Variants in ADGRL2 observed in about 807,000 individuals in gnomAD.
ADGRL2 encodes calcium-independent alpha-latrotoxin receptor 2.
ADGRL2 carries 44 observed loss-of-function variants against 157.4 expected under a neutral mutation model. The ratio of observed to expected loss-of-function variants is 0.28; its 90% confidence interval spans 0.22 to 0.36. The LOEUF is 0.36. Ranked by LOEUF, ADGRL2 falls within the 10% of genes least tolerant of loss-of-function variation. ADGRL2 has a pLI of 1.00. For synonymous variants in ADGRL2, 585 were observed against 624.7 expected (o/e 0.94, Z 0.95); for missense variants, 1,510 against 1,768.9 (o/e 0.85, Z 2.63).
chr1:81,783,840 T>C (rs1327335816), intron 2 of ADGRL2, among the ~76,000 whole-genome samples: 1 of 152,214 alleles, frequency 6.6e-6, no homozygotes, highest in East Asian at 1.9e-4. Flanking sequence ...CAGGCTATTA[T>C]ACTGTTTTAT....
In ADGRL2 at chr1:81,907,141, G is replaced by A; in HGVS notation, c.198G>A (p.Arg66=). 6.2e-7 allele frequency: 1 copy of A among 1,614,104 alleles called. No individual in the cohort carries two copies. Among genetic ancestry groups the A allele is most frequent in the South Asian group, 1.1e-5 (1 of 91,078 alleles). The change falls in exon 3 of 24, where the codon CGG becomes CGA. Residue 66 remains arginine (R), a synonymous_variant. Transcript: ENST00000686636. The stretch of plus-strand genomic sequence containing the variant: ...TGATTGAGAGCGCTAACTATGGTCG[G>A]ACGGATGACAAGATTTGTGATGCTG... The part of the protein sequence containing the change: ...VIMIESANYG[R]TDDKICDADP...
At chr1:81,406,500 T>C (rs966707275) in intron 1 of ADGRL2, among the ~76,000 whole-genome samples, 2 of 152,070 alleles carry the variant, frequency 1.3e-5, no homozygotes, top group Non-Finnish European at 2.9e-5. Flanking sequence ...CTCAACCCAG[T>C]TTTTTGCCAC....
intron 1 of ADGRL2, among the ~76,000 whole-genome samples, chr1:81,702,075 G>C (rs1003766291): frequency 1.3e-5 from 2 of 152,170 alleles, no homozygotes; most frequent in African/African-American, 4.8e-5. Flanking sequence ...AAATTTAATG[G>C]ATATGTGAAA....
At chr1:81,819,128 A>G (rs942522040) in intron 1 of ADGRL2, among the ~76,000 whole-genome samples, 1 of 152,298 alleles carries the variant, frequency 6.6e-6, no homozygotes, top group South Asian at 2.1e-4. Flanking sequence ...GGTGTATCCA[A>G]TGAACTAGAG....
At chr1:81,413,221 C>A (rs781772462) in intron 1 of ADGRL2, among the ~76,000 whole-genome samples, 1 of 152,086 alleles carries the variant, frequency 6.6e-6, no homozygotes, top group Non-Finnish European at 1.5e-5. Context: ...CTAGATTTAG[C>A]AATGAAAGCA....
intron 2 of ADGRL2, among the ~76,000 whole-genome samples, chr1:81,856,418 A>T (rs1174050573): frequency 6.6e-6 from 1 of 152,146 alleles, no homozygotes; most frequent in Non-Finnish European, 1.5e-5. Context: ...GCCACAGCCT[A>T]CATTGGTCTG....
intron 1 of ADGRL2, among the ~76,000 whole-genome samples, chr1:81,807,664 G>A (rs1316654768): frequency 6.6e-6 from 1 of 151,682 alleles, no homozygotes; most frequent in Non-Finnish European, 1.5e-5. Context: ...GAGTAACAAG[G>A]GTCTGTCAAC....
At chr1:81,954,557 C>T (rs75605000) in intron 10 of ADGRL2, among the ~76,000 whole-genome samples, 51 of 152,254 alleles carry the variant, frequency 3.3e-4, no homozygotes, top group African/African-American at 1.2e-3. Flanking sequence ...AGAGAGGCTC[C>T]AGTCTGTATT....
At chr1:81,788,176 G>T (rs1571224021) in intron 2 of ADGRL2, among the ~76,000 whole-genome samples, 1 of 151,816 alleles carries the variant, frequency 6.6e-6, no homozygotes, top group African/African-American at 2.4e-5. Flanking sequence ...GAGGTAATAA[G>T]AAATGACAGA....
intron 2 of ADGRL2, among the ~76,000 whole-genome samples, chr1:81,887,209 C>A (rs974742944): frequency 1.3e-5 from 2 of 152,130 alleles, no homozygotes; most frequent in African/African-American, 4.8e-5. Context: ...ATAAAATGTA[C>A]AAAATGTGTA....
intron 1 of ADGRL2, among the ~76,000 whole-genome samples, chr1:81,816,390 T>C (rs940925820): frequency 2.0e-5 from 3 of 151,906 alleles, no homozygotes; most frequent in Non-Finnish European, 4.4e-5. Flanking sequence ...TTATTTTGTA[T>C]ATTGCTTTAA....
At chr1:81,510,406 A>G (rs1387754560) in intron 2 of ADGRL2, among the ~76,000 whole-genome samples, 1 of 152,152 alleles carries the variant, frequency 6.6e-6, no homozygotes, top group Non-Finnish European at 1.5e-5. Context: ...AGAAGGCTGA[A>G]AAACAAAATT....
Position 81,485,177 on chromosome 1 carries a change from CAA to C in ADGRL2, c.-248+40102_-248+40103del, listed in dbSNP as rs59279416. ...AGAAAAAATATGTGTTTGAAAAGCA[CAA>C]AAAAAAAAAAAAAGTTTACCTGTCT... On this transcript the variant is annotated intron_variant, in intron 2 of 24. Coordinates refer to the ADGRL2 transcript ENST00000370721. Among the ~76,000 whole-genome samples the C allele has an allele frequency of 3.4e-3, 339 of 100,112 alleles. 1 individual carries two copies. Among genetic ancestry groups the C allele is most frequent in the African/African-American group, 8.5e-3 (240 of 28,326 alleles). 65.7% of individuals were successfully genotyped at this position (100,112 alleles called of 152,430 possible). A position where few individuals can be genotyped will look rare whatever the true frequency, so the allele number is the denominator to read the frequency against.
chr1:81,524,591 A>G (rs1398085716), intron 2 of ADGRL2, among the ~76,000 whole-genome samples: 2 of 152,182 alleles, frequency 1.3e-5, no homozygotes, highest in African/African-American at 4.8e-5. Context: ...TAATGGAACA[A>G]CCATATAATG....
chr1:81,769,984 C>G (rs1431888011), intron 2 of ADGRL2, among the ~76,000 whole-genome samples: 1 of 151,942 alleles, frequency 6.6e-6, no homozygotes, highest in East Asian at 1.9e-4. Flanking sequence ...CTGCCTCAGC[C>G]TCCCAAGTAG....
At chr1:81,778,980 G>C (rs974410136) in intron 2 of ADGRL2, among the ~76,000 whole-genome samples, 4 of 152,132 alleles carry the variant, frequency 2.6e-5, no homozygotes, top group African/African-American at 9.7e-5. Flanking sequence ...TAAATACTTA[G>C]TATATACTTT....
chr1:81,771,048 T>C (rs1383471848), intron 2 of ADGRL2, among the ~76,000 whole-genome samples: 2 of 152,162 alleles, frequency 1.3e-5, no homozygotes, highest in Non-Finnish European at 2.9e-5. Flanking sequence ...CTTTCATTTT[T>C]TTCTTACATA....
At chr1:81,721,386 T>A (rs2149125997) in intron 1 of ADGRL2, among the ~76,000 whole-genome samples, 1 of 152,292 alleles carries the variant, frequency 6.6e-6, no homozygotes, top group Admixed American at 6.5e-5. Context: ...TTAATACTAC[T>A]TTAGTTATAT....
chr1:81,795,777 G>T (rs778802659), upstream of ADGRL2, among the ~76,000 whole-genome samples: 2 of 152,176 alleles, frequency 1.3e-5, no homozygotes, highest in Non-Finnish European at 2.9e-5. Flanking sequence ...TACTTCTACT[G>T]TTAACCATCT....
Sources: allele counts gnomAD v4.1 joint callset (sites outside exome capture counted in the v4.1 genomes callset), GRCh38; gene constraint gnomAD v4.1.1; transcripts MANE v1.5; gene names NCBI Gene and HGNC (gene_info 2026-07-23, HGNC 2026-07-21).